NEDD4L: variants seen among roughly 807,000 people sequenced by gnomAD.
NEDD4L encodes NEDD4 like E3 ubiquitin protein ligase, also known as E3 ubiquitin-protein ligase NEDD4-like.
A neutral mutation model predicts 148.9 loss-of-function variants in NEDD4L; 54 were observed. The observed-to-expected ratio is 0.36, with a 90% CI of 0.29 to 0.45. The LOEUF is 0.45. Ranked by LOEUF, NEDD4L falls within the 20% of genes least tolerant of loss-of-function variation. The pLI, the probability that NEDD4L is intolerant of heterozygous loss-of-function variation, is 1.00. For missense variants in NEDD4L, 856 were observed against 1,233.8 expected (o/e 0.69, Z 4.59); for synonymous variants, 433 against 440.7 (o/e 0.98, Z 0.22).
At chr18:58,237,502 G>T (rs1458526950) in intron 2 of NEDD4L, among the ~76,000 whole-genome samples, 1 of 152,160 alleles carries the variant, frequency 6.6e-6, no homozygotes, top group East Asian at 1.9e-4. Flanking sequence ...ATTTTCTTTG[G>T]TGACTGAAGG....
chr18:58,056,465 A>G (rs1225474368), intron 1 of NEDD4L, among the ~76,000 whole-genome samples: 1 of 152,242 alleles, frequency 6.6e-6, no homozygotes, highest in African/African-American at 2.4e-5. Flanking sequence ...GGGCCAGCTC[A>G]GGGATGTCTT....
intron 2 of NEDD4L, among the ~76,000 whole-genome samples, chr18:58,183,514 A>G (rs1362759615): frequency 7.2e-5 from 11 of 152,216 alleles, no homozygotes; most frequent in Non-Finnish European, 1.5e-4. Flanking sequence ...CCCTCTGGCT[A>G]GGTAGAACAA....
In NEDD4L at chr18:58,207,552, A is replaced by G. The variant is rs551246158; in HGVS notation, c.123-37875A>G. ...TGGGCTGGTGGTCCTGTGCAGAACCAGCCAGTAGGTTCTAAGAGACTTGAT... is the reference window on the plus strand; with the variant it reads ...TGGGCTGGTGGTCCTGTGCAGAACCGGCCAGTAGGTTCTAAGAGACTTGAT... On this transcript the variant is annotated intron_variant, in intron 2 of 30. Coordinates refer to ENST00000400345, the MANE Select transcript of NEDD4L (RefSeq NM_001144967.3). 7.2e-5 allele frequency among the ~76,000 whole-genome samples: 11 copies of G among 152,306 alleles called. No individual in the cohort carries two copies. The East Asian group carries it at 1.5e-3, about 21-fold the overall frequency.
chr18:58,293,062 A>G (rs2054996338), intron 5 of NEDD4L, among the ~76,000 whole-genome samples: 1 of 152,216 alleles, frequency 6.6e-6, no homozygotes, highest in Admixed American at 6.5e-5. Context: ...GGTTTTTATC[A>G]TATCCAACTT....
At chr18:58,243,504 C>T (rs956292539) in intron 2 of NEDD4L, among the ~76,000 whole-genome samples, 2 of 152,192 alleles carry the variant, frequency 1.3e-5, no homozygotes, top group Admixed American at 6.5e-5. Flanking sequence ...GGTTCTACCC[C>T]GGATTGAATT....
At chr18:58,105,281 G>T (rs1318328416) in intron 1 of NEDD4L, among the ~76,000 whole-genome samples, 2 of 152,138 alleles carry the variant, frequency 1.3e-5, no homozygotes, top group Non-Finnish European at 2.9e-5. Flanking sequence ...TGTTTCACTT[G>T]AGCTCATCGG....
At chr18:58,176,512 T>C (rs48000) in intron 2 of NEDD4L, among the ~76,000 whole-genome samples, 72,681 of 151,952 alleles carry the variant, frequency 0.48, 17,871 homozygotes, top group Admixed American at 0.58. Context: ...TTTTAAAAAT[T>C]TTTATAGAGG....
Position 58,117,671 on chromosome 18 carries a change from C to T in NEDD4L, c.49-48117C>T, listed in dbSNP as rs545408056. Reference sequence around the variant, plus strand: ...ACCTGTATACATTTGCGTTGAAAAACGTACCCGGGCTATTCTGAGGTCCTT... The same window carrying T: ...ACCTGTATACATTTGCGTTGAAAAATGTACCCGGGCTATTCTGAGGTCCTT... On this transcript the variant is annotated intron_variant, in intron 1 of 30. Coordinates refer to ENST00000400345, the MANE Select transcript of NEDD4L (RefSeq NM_001144967.3). Among the ~76,000 whole-genome samples the T allele has an allele frequency of 9.9e-5, 15 of 152,284 alleles. No individual in the cohort carries two copies. In the South Asian group the frequency reaches 2.1e-3, roughly 21 times the overall value.
chr18:58,290,228 AC>A (rs1284608027), intron 5 of NEDD4L, among the ~76,000 whole-genome samples: 1 of 152,270 alleles, frequency 6.6e-6, no homozygotes, highest in African/African-American at 2.4e-5. Flanking sequence ...TGACTAATGC[AC>A]CAACCATTTA....
chr18:58,095,708 C>T (rs532772683), intron 1 of NEDD4L, among the ~76,000 whole-genome samples: 28 of 152,354 alleles, frequency 1.8e-4, no homozygotes, highest in African/African-American at 6.7e-4. Flanking sequence ...ATAGTTTCTT[C>T]TGGTTCTTTT....
rs1374283108 is a variant in NEDD4L at position 58,398,712 on chromosome 18, A to C, written c.*2443A>C. The C allele has an allele frequency of 6.6e-6, 1 of 152,260 alleles. No homozygotes were observed. The highest frequency in any genetic ancestry group is 1.9e-4 in the East Asian group (1 of 5,204). 9.4% of individuals were successfully genotyped at this position (152,260 alleles called of 1,614,324 possible). A position where few individuals can be genotyped will look rare whatever the true frequency, so the allele number is the denominator to read the frequency against. On this transcript the variant is annotated 3_prime_UTR_variant, in exon 31 of 31. Transcript: ENST00000400345. Reference sequence around the variant, plus strand: ...AGCAAAACAAGGTTCAGTAGTCCTCAGCAATTCTCCAAGTTTCTCTCTTTG... The same window carrying C: ...AGCAAAACAAGGTTCAGTAGTCCTCCGCAATTCTCCAAGTTTCTCTCTTTG...
At chr18:58,083,415 C>T (rs1007359950) in intron 1 of NEDD4L, among the ~76,000 whole-genome samples, 4 of 152,108 alleles carry the variant, frequency 2.6e-5, no homozygotes, top group African/African-American at 2.4e-5. Flanking sequence ...GGGCCGGGTG[C>T]GGTGGCTCAC....
chr18:58,323,404 A>G, intron 8 of NEDD4L, 70 bp downstream of exon 8: 1 of 831,682 alleles, frequency 1.2e-6, no homozygotes, highest in Non-Finnish European at 2.0e-6. Context: ...CAAACTTTAT[A>G]ATTGAAGGAA....
At chr18:58,288,656 A>T (rs2054265149) in intron 5 of NEDD4L, among the ~76,000 whole-genome samples, 1 of 152,250 alleles carries the variant, frequency 6.6e-6, no homozygotes, top group Non-Finnish European at 1.5e-5. Flanking sequence ...CATGTGATGG[A>T]TGCTGACCAA....
intron 18 of NEDD4L, 66 bp downstream of exon 18, chr18:58,351,111 A>T (rs1007287814): frequency 6.5e-7 from 1 of 1,547,866 alleles, no homozygotes; most frequent in Non-Finnish European, 8.7e-7. Context: ...TTCAAACATC[A>T]TAGTGAAAGC....
intron 1 of NEDD4L, among the ~76,000 whole-genome samples, chr18:58,072,814 CTG>C (rs574791643): frequency 1.5e-3 from 227 of 151,972 alleles, no homozygotes; most frequent in African/African-American, 5.4e-3. Context: ...AGAAAAGTAT[CTG>C]TAGTTACAGT....
Position 58,203,779 on chromosome 18 carries a change from A to C in NEDD4L, c.122+37918A>C, listed in dbSNP as rs73450453. 4.6e-3 allele frequency among the ~76,000 whole-genome samples: 694 copies of C among 152,184 alleles called. 4 individuals are homozygous for C. The highest frequency in any genetic ancestry group is 0.016 in the African/African-American group (656 of 41,518). On this transcript the variant is annotated intron_variant, in intron 2 of 30. Transcript: ENST00000400345. Reference sequence around the variant, plus strand: ...TCTCTCAGACAAATTAAGTCTTGCCAGACTGTCTGAGAAGACTAGTGAATC... The same window carrying C: ...TCTCTCAGACAAATTAAGTCTTGCCCGACTGTCTGAGAAGACTAGTGAATC...
intron 2 of NEDD4L, among the ~76,000 whole-genome samples, chr18:58,209,935 G>T (rs1416714511): frequency 6.6e-6 from 1 of 152,160 alleles, no homozygotes; most frequent in African/African-American, 2.4e-5. Context: ...GGGAGGCCAA[G>T]GCGGGCGGAT....
At chr18:58,145,019 G>A (rs574082501) in intron 1 of NEDD4L, among the ~76,000 whole-genome samples, 2 of 152,292 alleles carry the variant, frequency 1.3e-5, no homozygotes, top group South Asian at 4.2e-4. Flanking sequence ...TCTGCAGGAA[G>A]CAGGCACCAC....
Sources: gnomAD v4.1 joint callset for allele counts (sites outside exome capture counted in the v4.1 genomes callset) on GRCh38, gnomAD v4.1.1 for gene constraint, MANE v1.5 for transcripts, NCBI Gene and HGNC (gene_info 2026-07-23, HGNC 2026-07-21) for gene names.